The following PTPRN2 variants were observed in gnomAD, a reference collection of about 807,000 sequenced individuals.
PTPRN2 encodes the protein receptor-type tyrosine-protein phosphatase N2.
A neutral mutation model predicts 118.8 loss-of-function variants in PTPRN2; 74 were observed. That is an observed-to-expected ratio of 0.62 (90% CI 0.52 to 0.76). The LOEUF (loss-of-function observed/expected upper bound fraction) is 0.76, where lower values mean the gene tolerates loss of function less well. Among genes scored for constraint, PTPRN2 ranks in the 30% least tolerant of loss-of-function variants. The pLI, the probability that PTPRN2 is intolerant of heterozygous loss-of-function variation, is 0.00. For synonymous variants in PTPRN2, 641 were observed against 608.0 expected (o/e 1.05, Z -0.80); for missense variants, 1,481 against 1,394.4 (o/e 1.06, Z -0.99).
intron 12 of PTPRN2, among the ~76,000 whole-genome samples, chr7:157,824,860 C>T (rs1585562122): frequency 6.6e-6 from 1 of 152,194 alleles, no homozygotes; most frequent in African/African-American, 2.4e-5. Context: ...TTGGCTGGAG[C>T]AGATGATGGA....
chr7:158,150,649 C>G (rs542658952), intron 6 of PTPRN2, among the ~76,000 whole-genome samples: 2 of 152,140 alleles, frequency 1.3e-5, no homozygotes, highest in African/African-American at 2.4e-5. Flanking sequence ...TAATTCCACC[C>G]TTGTGAACAT....
At chr7:157,811,989 A>G (rs1215055959) in intron 12 of PTPRN2, among the ~76,000 whole-genome samples, 5 of 152,188 alleles carry the variant, frequency 3.3e-5, no homozygotes, top group Non-Finnish European at 7.3e-5. Flanking sequence ...GACTTAAGAC[A>G]TGGCTCAGTG....
intron 6 of PTPRN2, among the ~76,000 whole-genome samples, chr7:158,154,195 C>T (rs752630986): frequency 6.6e-6 from 1 of 152,162 alleles, no homozygotes; most frequent in Non-Finnish European, 1.5e-5. Context: ...GGCAGCGTAA[C>T]GCAGAGACAG....
In PTPRN2 at chr7:157,690,974, G is replaced by A. The variant is rs2150833199; in HGVS notation, c.1789-8037C>T. 6.9e-6 allele frequency among the ~76,000 whole-genome samples: 1 copy of A among 145,806 alleles called. No homozygotes were observed. Among genetic ancestry groups the A allele is most frequent in the African/African-American group, 2.5e-5 (1 of 40,410 alleles). On this transcript the variant is annotated intron_variant, in intron 12 of 22. Transcript: ENST00000389418. This position sits in a 1 kb window ranked among gnomAD's most constrained non-coding sequence, Gnocchi z 7.1. ...GGCCGCGCGCGTAGCACCAACCAGC[G>A]CGGCCGCCGCGCCCCGCCTTATATC... is the stretch of plus-strand genomic sequence containing the variant.
At position 158,320,093 on chromosome 7, in the gene PTPRN2, TCACA is replaced by T. The variant is rs1278547035; in HGVS notation, c.164-3165_164-3162del. Among the ~76,000 whole-genome samples, 5 of 30,008 alleles carry T rather than the reference TCACA, an allele frequency of 1.7e-4. 1 individual carries two copies. The highest frequency in any genetic ancestry group is 3.4e-4 in the Admixed American group (1 of 2,984). The allele number at this position is 30,008 out of a possible 152,430, so 19.7% of individuals were successfully genotyped here. On this transcript the variant is annotated intron_variant, in intron 2 of 22. Transcript: ENST00000389418. Reference sequence around the variant, plus strand: ...CACACACAGCCTCCCTCACACACACTCACATAGTCTCCCTCACACACACACACAG... The same window carrying T: ...CACACACAGCCTCCCTCACACACACTTAGTCTCCCTCACACACACACACAG...
At position 157,540,437 on chromosome 7, in the gene PTPRN2, T is replaced by C. The variant is rs1037754266; in HGVS notation, c.*277A>G. On this transcript the variant is annotated 3_prime_UTR_variant, in exon 23 of 23. Coordinates refer to ENST00000389418, the MANE Select transcript of PTPRN2 (RefSeq NM_002847.5). Reference sequence around the variant, plus strand: ...GTTAACACAACTTCAACCAAGAAGGTGAACGGGTGCTTTAAGAAAAAGTAT... The same window carrying C: ...GTTAACACAACTTCAACCAAGAAGGCGAACGGGTGCTTTAAGAAAAAGTAT... 1.3e-5 allele frequency: 4 copies of C among 314,244 alleles called. No homozygotes were observed. Among genetic ancestry groups the C allele is most frequent in the Non-Finnish European group, 2.4e-5 (4 of 170,008 alleles). The allele number at this position is 314,244 out of a possible 1,614,324, so 19.5% of individuals were successfully genotyped here.
chr7:158,515,084 G>T (rs1051597746), intron 1 of PTPRN2, among the ~76,000 whole-genome samples: 4 of 152,222 alleles, frequency 2.6e-5, no homozygotes, highest in South Asian at 2.1e-4. Flanking sequence ...GCAGAACAAG[G>T]TTGCACTATG....
chr7:157,542,166 C>T (rs1050568649), intron 22 of PTPRN2, among the ~76,000 whole-genome samples: 3 of 152,154 alleles, frequency 2.0e-5, no homozygotes, highest in Non-Finnish European at 2.9e-5. Flanking sequence ...CGGGAAGGTC[C>T]GCAAACGTTC....
chr7:158,066,636 G>A (rs1223499671), intron 11 of PTPRN2, among the ~76,000 whole-genome samples: 2 of 152,132 alleles, frequency 1.3e-5, no homozygotes, highest in South Asian at 2.1e-4. Flanking sequence ...CGCTAAGATC[G>A]GCTTTAGAAA....
chr7:158,329,784 A>C (rs1386002265), intron 2 of PTPRN2, among the ~76,000 whole-genome samples: 3 of 152,124 alleles, frequency 2.0e-5, no homozygotes, highest in African/African-American at 7.2e-5. Flanking sequence ...GTCGCAACCC[A>C]AGATCTGTCC....
intron 11 of PTPRN2, among the ~76,000 whole-genome samples, chr7:157,998,953 C>T (rs563439326): frequency 2.0e-5 from 3 of 151,968 alleles, no homozygotes; most frequent in Non-Finnish European, 4.4e-5. Context: ...GTGCGGGGTG[C>T]GAGGCATCCG....
chr7:158,431,297 A>G (rs1381381120), intron 2 of PTPRN2, among the ~76,000 whole-genome samples: 4 of 150,590 alleles, frequency 2.7e-5, no homozygotes, highest in Admixed American at 2.0e-4. Flanking sequence ...AACTGGGCAC[A>G]CACCAGGCTT....
At chr7:158,261,423 C>T (rs1308308409) in intron 3 of PTPRN2, among the ~76,000 whole-genome samples, 1 of 152,050 alleles carries the variant, frequency 6.6e-6, no homozygotes, top group Non-Finnish European at 1.5e-5. Context: ...TGGCAGGGAC[C>T]CAGCCCAAGC....
intron 2 of PTPRN2, among the ~76,000 whole-genome samples, chr7:158,464,161 C>A (rs1290089951): frequency 6.9e-5 from 6 of 86,726 alleles, no homozygotes; most frequent in African/African-American, 1.4e-4. Flanking sequence ...TTACCATCAC[C>A]ATCATTGCCA....
At position 158,509,996 on chromosome 7, in the gene PTPRN2, C is replaced by T. The variant is rs187138579; in HGVS notation, c.113-20211G>A. On this transcript the variant is annotated intron_variant, in intron 1 of 22. Transcript: ENST00000389418. This position sits in a 1 kb window ranked among gnomAD's most constrained non-coding sequence, Gnocchi z 4.4. ...GTCAAGCCTTAAAAAGCCATTCTCT[C>T]GGCAGAGAAGAACAGGCACACACAA... Among the ~76,000 whole-genome samples the T allele has an allele frequency of 5.9e-5, 9 of 152,284 alleles. No homozygotes were observed. Among genetic ancestry groups the T allele is most frequent in the Admixed American group, 2.0e-4 (3 of 15,294 alleles).
chr7:158,296,748 G>A (rs753225440), intron 3 of PTPRN2, among the ~76,000 whole-genome samples: 5 of 152,342 alleles, frequency 3.3e-5, no homozygotes, highest in Admixed American at 3.3e-4. Context: ...AGGGGAATAA[G>A]GGAACTTTTC....
At chr7:157,878,753 T>C (rs1439502258) in intron 12 of PTPRN2, among the ~76,000 whole-genome samples, 2 of 127,042 alleles carry the variant, frequency 1.6e-5, no homozygotes, top group Non-Finnish European at 3.3e-5. Flanking sequence ...GACGGGTCAG[T>C]GTGATACCGT....
chr7:158,205,157 A>G lies in PTPRN2; in HGVS notation c.380+14T>C. ...TCCTGGGAGCAAGGAGCAACAAGCCACGTCCACACTTACCTGGCTGGGCTG... is the reference window on the plus strand; with the variant it reads ...TCCTGGGAGCAAGGAGCAACAAGCCGCGTCCACACTTACCTGGCTGGGCTG... On this transcript the variant is annotated intron_variant, in intron 4 of 22. Transcript: ENST00000389418. The G allele has an allele frequency of 6.2e-7, 1 of 1,601,650 alleles. No homozygotes were observed. Among genetic ancestry groups the G allele is most frequent in the Non-Finnish European group, 8.6e-7 (1 of 1,168,590 alleles).
At chr7:158,567,166 C>G (rs193039556) in intron 1 of PTPRN2, among the ~76,000 whole-genome samples, 1 of 152,326 alleles carries the variant, frequency 6.6e-6, no homozygotes, top group Non-Finnish European at 1.5e-5. Flanking sequence ...TCACAAGTCC[C>G]CATTAACATA....
Sources: allele counts gnomAD v4.1 joint callset (sites outside exome capture counted in the v4.1 genomes callset), GRCh38; gene constraint gnomAD v4.1.1; non-coding constraint Gnocchi (gnomAD v3.1); transcripts MANE v1.5; gene names NCBI Gene and HGNC (gene_info 2026-07-23, HGNC 2026-07-21).